The following IDH2 variants were observed in gnomAD, a reference collection of about 807,000 sequenced individuals.
IDH2 encodes isocitrate dehydrogenase [NADP], mitochondrial.
In IDH2, 18 loss-of-function variants were observed where a neutral mutation model predicts 50.5. The ratio of observed to expected loss-of-function variants is 0.36; its 90% CI spans 0.25 to 0.53. The LOEUF (loss-of-function observed/expected upper bound fraction) is 0.53. Ranked by LOEUF, IDH2 falls within the 20% of genes least tolerant of loss-of-function variation. The probability of loss-of-function intolerance (pLI) is 0.92; values close to 1 mark genes in which losing one functional copy is unlikely to be tolerated. For synonymous variants in IDH2, 280 were observed against 239.8 expected (o/e 1.17, Z -1.55); for missense variants, 518 against 610.7 (o/e 0.85, Z 1.60).
intron 1 of IDH2, among the ~76,000 whole-genome samples, chr15:90,096,124 CTG>C (rs911765491): frequency 3.3e-4 from 50 of 152,180 alleles, no homozygotes; most frequent in African/African-American, 1.2e-3. Flanking sequence ...TGGTGAAACT[CTG>C]TGTCTACTAA....
chr15:90,096,955 T>C (rs1901199407), intron 1 of IDH2, among the ~76,000 whole-genome samples: 2 of 152,016 alleles, frequency 1.3e-5, no homozygotes, highest in Admixed American at 1.3e-4. Context: ...AATTACTATA[T>C]GATCCAGCAA....
rs917912257 is a variant in IDH2, at chr15:90,084,727, A to T, written c.1271+89T>A. The T allele has an allele frequency of 2.8e-6, 3 of 1,067,876 alleles. No homozygotes were observed. Among genetic ancestry groups the T allele is most frequent in the Admixed American group, 3.4e-5 (2 of 59,316 alleles). 66.2% of individuals were successfully genotyped at this position (1,067,876 alleles called of 1,614,324 possible). On this transcript the variant is annotated intron_variant, in intron 10 of 10. Transcript: ENST00000330062. This position sits in a 1 kb window ranked among gnomAD's most constrained non-coding sequence, Gnocchi z 5.0. ...TCCTGCCCCAGGCCCCCTTGCAGCT[A>T]AGCTGACTCATGAGGGGGACTTTAG...
chr15:90,098,886 C>T lies in IDH2; in HGVS notation c.115+3390G>A, dbSNP rs1901258787. ...AGACTCCTTGGTGTCATCCTTCATTCCTTCCCTTCTCTCACATCCAAACCA... is the reference window on the plus strand; with the variant it reads ...AGACTCCTTGGTGTCATCCTTCATTTCTTCCCTTCTCTCACATCCAAACCA... On this transcript the variant is annotated intron_variant, in intron 1 of 10. Transcript: ENST00000330062. The surrounding 1 kb of genome is among the most constrained non-coding windows in gnomAD (Gnocchi z 5.1). Among the ~76,000 whole-genome samples the T allele has an allele frequency of 6.6e-6, 1 of 152,126 alleles. No individual in the cohort carries two copies. Among genetic ancestry groups the T allele is most frequent in the Non-Finnish European group, 1.5e-5 (1 of 68,036 alleles).
At chr15:90,090,457 G>A (rs756976845) in intron 3 of IDH2, 22 bp downstream of exon 3, 31 of 1,611,372 alleles carry the variant, frequency 1.9e-5, no homozygotes, top group Admixed American at 1.0e-4. Context: ...TCCCTGGCCC[G>A]CCCACCTCCA....
At chr15:90,086,060 C>T (rs1292510365) in intron 7 of IDH2, among the ~76,000 whole-genome samples, 2 of 152,216 alleles carry the variant, frequency 1.3e-5, no homozygotes, top group African/African-American at 4.8e-5. Context: ...TCCTTAGACA[C>T]TTAAGGTTCA....
At position 90,084,422 on chromosome 15, in the gene IDH2, C is replaced by T. The variant is rs1482423242; in HGVS notation, c.1272-69G>A. ...TGCCAAGGCCATCAGCCAGGCCCTT[C>T]CAGGGAACAGCCTGAGCTTGGGCAT... On this transcript the variant is annotated intron_variant, in intron 10 of 10. Coordinates refer to ENST00000330062, the MANE Select transcript of IDH2 (RefSeq NM_002168.4). This position sits in a 1 kb window ranked among gnomAD's most constrained non-coding sequence, Gnocchi z 5.0. The T allele has an allele frequency of 1.4e-6, 2 of 1,391,374 alleles. No homozygotes were observed. Among genetic ancestry groups the T allele is most frequent in the East Asian group, 4.8e-5 (2 of 41,538 alleles). 86.2% of individuals were successfully genotyped at this position (1,391,374 alleles called of 1,614,324 possible).
In IDH2 at chr15:90,102,418, C is replaced by A. The variant is rs528231909; in HGVS notation, c.-28G>T. On this transcript the variant is annotated 5_prime_UTR_variant, in exon 1 of 11. Transcript: ENST00000330062. ...CAAGCTGGAGAGCGAACGAGCAGGG[C>A]GGGAGAGGTCCGAGCGCGCGCCGCT... 19 of 1,218,154 alleles carry A rather than the reference C, an allele frequency of 1.6e-5. No individual in the cohort carries two copies. The highest frequency in any genetic ancestry group is 1.0e-4 in the East Asian group (3 of 29,582). The allele number at this position is 1,218,154 out of a possible 1,614,324, so 75.5% of individuals were successfully genotyped here.
In IDH2 at chr15:90,098,531, C is replaced by T. The variant is rs377083842; in HGVS notation, c.115+3745G>A. 2.3e-4 allele frequency among the ~76,000 whole-genome samples: 32 copies of T among 138,466 alleles called. No homozygotes were observed. Among genetic ancestry groups the T allele is most frequent in the East Asian group, 5.9e-4 (3 of 5,072 alleles). 90.8% of individuals were successfully genotyped at this position (138,466 alleles called of 152,430 possible). A position where few individuals can be genotyped will look rare whatever the true frequency, so the allele number is the denominator to read the frequency against. ...GTATGTATGTATGTATGTATGCATG[C>T]ATGTATGTATGTATGTATGTATGTA... is the stretch of plus-strand genomic sequence containing the variant. On this transcript the variant is annotated intron_variant, in intron 1 of 10. Coordinates refer to ENST00000330062, the MANE Select transcript of IDH2 (RefSeq NM_002168.4). This position sits in a 1 kb window ranked among gnomAD's most constrained non-coding sequence, Gnocchi z 5.1.
chr15:90,102,402 G>T lies in IDH2; in HGVS notation c.-12C>A. 1 of 1,319,438 alleles carries T rather than the reference G, an allele frequency of 7.6e-7. No homozygotes were observed. The highest frequency in any genetic ancestry group is 1.8e-5 in the South Asian group (1 of 54,864). 81.7% of individuals were successfully genotyped at this position (1,319,438 alleles called of 1,614,324 possible). On this transcript the variant is annotated 5_prime_UTR_variant, in exon 1 of 11. Coordinates refer to ENST00000330062, the MANE Select transcript of IDH2 (RefSeq NM_002168.4). ...AGGTAGCCGGCCATCCCAAGCTGGA[G>T]AGCGAACGAGCAGGGCGGGAGAGGT... is the stretch of plus-strand genomic sequence containing the variant.
chr15:90,095,063 AGTTT>A (rs1351624617), intron 1 of IDH2, among the ~76,000 whole-genome samples: 1 of 151,280 alleles, frequency 6.6e-6, no homozygotes, highest in Non-Finnish European at 1.5e-5. Flanking sequence ...ATATGCAAAG[AGTTT>A]GTTTTTTTTT....
Position 90,085,271 on chromosome 15 carries a change from T to A in IDH2, c.1080+4A>T. ...CATTGTGAGGCCCCATGCCCTGCAC[T>A]CACCTTCTGGTGCTCCCGATAGTGG... On this transcript the variant is annotated splice_donor_region_variant and intron_variant, in intron 8 of 10. Coordinates refer to ENST00000330062, the MANE Select transcript of IDH2 (RefSeq NM_002168.4). This position sits in a 1 kb window ranked among gnomAD's most constrained non-coding sequence, Gnocchi z 5.5. The A allele has an allele frequency of 6.4e-7, 1 of 1,556,808 alleles. No homozygotes were observed. Among genetic ancestry groups the A allele is most frequent in the Non-Finnish European group, 8.7e-7 (1 of 1,148,890 alleles).
At position 90,098,539 on chromosome 15, in the gene IDH2, T is replaced by TATGTATGCATGCATGCATGC. The variant is rs1216157149; in HGVS notation, c.115+3736_115+3737insGCATGCATGCATGCATACAT. ...GTATGTATGTATGCATGCATGTATG[T>TATGTATGCATGCATGCATGC]ATGTATGTATGTATGTATGTATTGA... On this transcript the variant is annotated intron_variant, in intron 1 of 10. Coordinates refer to ENST00000330062, the MANE Select transcript of IDH2 (RefSeq NM_002168.4). This position sits in a 1 kb window ranked among gnomAD's most constrained non-coding sequence, Gnocchi z 5.1. 1.4e-5 allele frequency among the ~76,000 whole-genome samples: 2 copies of TATGTATGCATGCATGCATGC among 147,124 alleles called. No homozygotes were observed. Among genetic ancestry groups the TATGTATGCATGCATGCATGC allele is most frequent in the African/African-American group, 5.1e-5 (2 of 39,340 alleles).
intron 5 of IDH2, among the ~76,000 whole-genome samples, chr15:90,088,084 A>G (rs999360131): frequency 6.6e-6 from 1 of 151,760 alleles, no homozygotes; most frequent in African/African-American, 2.4e-5. Context: ...GCTCGTGGCC[A>G]TTTCTTTTCT....
intron 1 of IDH2, among the ~76,000 whole-genome samples, chr15:90,095,595 G>C (rs1363840966): frequency 6.6e-6 from 1 of 152,156 alleles, no homozygotes; most frequent in African/African-American, 2.4e-5. Flanking sequence ...GGCATGGCTA[G>C]GAGAGTTCAA....
chr15:90,086,996 G>A, intron 7 of IDH2, 116 bp downstream of exon 7: 1 of 1,117,484 alleles, frequency 8.9e-7, no homozygotes, highest in South Asian at 1.2e-5. Flanking sequence ...GTCCACAGAG[G>A]ACCCTGCAAT....
At chr15:90,101,776 G>A (rs1901338476) in intron 1 of IDH2, among the ~76,000 whole-genome samples, 1 of 152,160 alleles carries the variant, frequency 6.6e-6, no homozygotes, top group Non-Finnish European at 1.5e-5. Flanking sequence ...ACGTGGGCCT[G>A]GTATCAGCGC....
chr15:90,099,942 C>A (rs1475573610), intron 1 of IDH2, among the ~76,000 whole-genome samples: 2 of 152,136 alleles, frequency 1.3e-5, no homozygotes, highest in Non-Finnish European at 2.9e-5. Flanking sequence ...CTACTTTTGT[C>A]AAAGACATAA....
At chr15:90,091,169 C>T (rs1901025115) in intron 2 of IDH2, among the ~76,000 whole-genome samples, 1 of 152,166 alleles carries the variant, frequency 6.6e-6, no homozygotes, top group South Asian at 2.1e-4. Flanking sequence ...CATGGTGGCT[C>T]GTCACAACTG....
Position 90,098,635 on chromosome 15 carries a change from C to T in IDH2, c.115+3641G>A, listed in dbSNP as rs889386752. ...TCTCGGCTCACTGCAAGCTCCACCT[C>T]CTGGGTTCAGGCAATTCTCCTGCCT... On this transcript the variant is annotated intron_variant, in intron 1 of 10. Transcript: ENST00000330062. The surrounding 1 kb of genome is among the most constrained non-coding windows in gnomAD (Gnocchi z 5.1). 2.0e-5 allele frequency among the ~76,000 whole-genome samples: 3 copies of T among 151,028 alleles called. No homozygotes were observed. Among genetic ancestry groups the T allele is most frequent in the African/African-American group, 7.4e-5 (3 of 40,674 alleles).
Sources: gnomAD v4.1 joint callset for allele counts (sites outside exome capture counted in the v4.1 genomes callset) on GRCh38, gnomAD v4.1.1 for gene constraint, Gnocchi (gnomAD v3.1) non-coding constraint, MANE v1.5 for transcripts, NCBI Gene and HGNC (gene_info 2026-07-23, HGNC 2026-07-21) for gene names.